Variants in CD81 observed in about 807,000 individuals in gnomAD.
The protein encoded by CD81 is CD81 molecule.
A neutral mutation model predicts 30.1 loss-of-function variants in CD81; 10 were observed. That is an observed-to-expected ratio of 0.33 (90% CI 0.21 to 0.56). The LOEUF (loss-of-function observed/expected upper bound fraction) is 0.56, where lower values mean the gene tolerates loss of function less well. CD81 is among the 20% of genes least tolerant of loss of function. The pLI is 0.89. For missense variants in CD81, 263 were observed against 308.7 expected (o/e 0.85, Z 1.11); for synonymous variants, 147 against 126.4 (o/e 1.16, Z -1.10).
At chr11:2,384,007 G>A (rs1490540551) in intron 1 of CD81, among the ~76,000 whole-genome samples, 4 of 152,176 alleles carry the variant, frequency 2.6e-5, no homozygotes, top group African/African-American at 4.8e-5. Context: ...AGGCCTGCCC[G>A]GGCAGCGCCT....
In CD81 at chr11:2,377,408, CGCGCCCCCGCGCCCCT is replaced by C. The variant is rs1163931297; in HGVS notation, c.-141_-126del. 1.9e-5 allele frequency: 3 copies of C among 157,032 alleles called. No individual in the cohort carries two copies. Among genetic ancestry groups the C allele is most frequent in the Non-Finnish European group, 4.0e-5 (3 of 75,360 alleles). 9.7% of individuals were successfully genotyped at this position (157,032 alleles called of 1,614,324 possible). A position where few individuals can be genotyped will look rare whatever the true frequency, so the allele number is the denominator to read the frequency against. On this transcript the variant is annotated 5_prime_UTR_variant, in exon 1 of 8. Coordinates refer to ENST00000263645, the MANE Select transcript of CD81 (RefSeq NM_004356.4). This position sits in a 1 kb window ranked among gnomAD's most constrained non-coding sequence, Gnocchi z 7.7. ...AGCGCCCCACGCGCCCCCGCGCCCC[CGCGCCCCCGCGCCCCT>C]TTCTTCGCGCCCCCGCCCCTCGGCC...
At chr11:2,385,177 T>G (rs1382200230) in intron 1 of CD81, among the ~76,000 whole-genome samples, 1 of 152,114 alleles carries the variant, frequency 6.6e-6, no homozygotes, top group Non-Finnish European at 1.5e-5. Flanking sequence ...CATCAGGGAC[T>G]TAGGATGTGG....
chr11:2,377,466 C>A lies in CD81; in HGVS notation c.-84C>A. 1 of 508,240 alleles carries A rather than the reference C, an allele frequency of 2.0e-6. No individual in the cohort carries two copies. Among genetic ancestry groups the A allele is most frequent in the South Asian group, 7.8e-5 (1 of 12,782 alleles). 31.5% of individuals were successfully genotyped at this position (508,240 alleles called of 1,614,324 possible). ...CCCTCGGCCCGCCAGGCCCCCTTGC[C>A]GGCCACCCGCCAGGCCCCGCGCCGG... On this transcript the variant is annotated 5_prime_UTR_variant, in exon 1 of 8. Transcript: ENST00000263645. The surrounding 1 kb of genome is among the most constrained non-coding windows in gnomAD (Gnocchi z 7.7).
chr11:2,384,495 GCTTGTGGGGTGGGGCAT>G (rs1185317495), intron 1 of CD81, among the ~76,000 whole-genome samples: 4 of 78,732 alleles, frequency 5.1e-5, no homozygotes, highest in African/African-American at 9.8e-5. Context: ...GGGTAGGGCG[GCTTGTGGGGTGGGGCAT>G]CTTGTGGGGT....
chr11:2,382,837 C>G (rs1304832023), intron 1 of CD81, among the ~76,000 whole-genome samples: 1 of 152,222 alleles, frequency 6.6e-6, no homozygotes, highest in African/African-American at 2.4e-5. Flanking sequence ...CCAGAACAGT[C>G]CTGATCCTGG....
At chr11:2,385,019 G>A in intron 1 of CD81, among the ~76,000 whole-genome samples, 1 of 152,110 alleles carries the variant, frequency 6.6e-6, no homozygotes, top group Non-Finnish European at 1.5e-5. Flanking sequence ...GATCCTAAAA[G>A]TGCACTTCTA....
rs755533264 is a variant in CD81 at position 2,377,650 on chromosome 11, G to C, written c.66+35G>C. On this transcript the variant is annotated intron_variant, in intron 1 of 7. Coordinates refer to ENST00000263645, the MANE Select transcript of CD81 (RefSeq NM_004356.4). This position sits in a 1 kb window ranked among gnomAD's most constrained non-coding sequence, Gnocchi z 7.7. The stretch of plus-strand genomic sequence containing the variant: ...GCGCCGGGGGCCGGGGCGGGAGGGG[G>C]CAGGCACACACTCCACGTTGGGCAG... The C allele has an allele frequency of 7.1e-7, 1 of 1,408,656 alleles. No individual in the cohort carries two copies. Among genetic ancestry groups the C allele is most frequent in the Non-Finnish European group, 9.7e-7 (1 of 1,030,640 alleles). The allele number at this position is 1,408,656 out of a possible 1,614,324, so 87.3% of individuals were successfully genotyped here.
In CD81 at chr11:2,377,689, G is replaced by C; in HGVS notation, c.66+74G>C. 1 of 1,019,218 alleles carries C rather than the reference G, an allele frequency of 9.8e-7. No homozygotes were observed. The highest frequency in any genetic ancestry group is 1.6e-5 in the South Asian group (1 of 62,838). The allele number at this position is 1,019,218 out of a possible 1,614,324, so 63.1% of individuals were successfully genotyped here. A position where few individuals can be genotyped will look rare whatever the true frequency, so the allele number is the denominator to read the frequency against. On this transcript the variant is annotated intron_variant, in intron 1 of 7. Transcript: ENST00000263645. The surrounding 1 kb of genome is among the most constrained non-coding windows in gnomAD (Gnocchi z 7.7). ...CACGTTGGGCAGGTCCCGCGGCAGC[G>C]TGCTAGGCCCCGCGGGCGCAGCGCG...
At position 2,396,957 on chromosome 11, in the gene CD81, C is replaced by G; in HGVS notation, c.*91C>G. On this transcript the variant is annotated 3_prime_UTR_variant, in exon 8 of 8. Transcript: ENST00000263645. ...GGGCCATCACCGCCTGTGTATATAA[C>G]GTTTCCGGTATTACTCTGCTACACG... 2 of 1,203,928 alleles carry G rather than the reference C, an allele frequency of 1.7e-6. No homozygotes were observed. Among genetic ancestry groups the G allele is most frequent in the Non-Finnish European group, 1.2e-6 (1 of 822,958 alleles). The allele number at this position is 1,203,928 out of a possible 1,614,324, so 74.6% of individuals were successfully genotyped here. A position where few individuals can be genotyped will look rare whatever the true frequency, so the allele number is the denominator to read the frequency against.
chr11:2,380,426 TGC>T (rs1197098107), intron 1 of CD81, among the ~76,000 whole-genome samples: 1 of 151,984 alleles, frequency 6.6e-6, no homozygotes, highest in Non-Finnish European at 1.5e-5. Context: ...CACACGAATG[TGC>T]ACACACACAC....
Position 2,377,666 on chromosome 11 carries a change from C to A in CD81, c.66+51C>A. The A allele has an allele frequency of 1.6e-6, 2 of 1,267,270 alleles. No homozygotes were observed. The highest frequency in any genetic ancestry group is 2.2e-6 in the Non-Finnish European group (2 of 918,984). The allele number at this position is 1,267,270 out of a possible 1,614,324, so 78.5% of individuals were successfully genotyped here. ...CGGGAGGGGGCAGGCACACACTCCACGTTGGGCAGGTCCCGCGGCAGCGTG... is the reference window on the plus strand; with the variant it reads ...CGGGAGGGGGCAGGCACACACTCCAAGTTGGGCAGGTCCCGCGGCAGCGTG... On this transcript the variant is annotated intron_variant, in intron 1 of 7. Coordinates refer to ENST00000263645, the MANE Select transcript of CD81 (RefSeq NM_004356.4). The surrounding 1 kb of genome is among the most constrained non-coding windows in gnomAD (Gnocchi z 7.7).
In CD81 at chr11:2,377,483, C is replaced by T; in HGVS notation, c.-67C>T. 1.4e-6 allele frequency: 1 copy of T among 701,296 alleles called. No individual in the cohort carries two copies. The highest frequency in any genetic ancestry group is 1.7e-6 in the Non-Finnish European group (1 of 572,164). 43.4% of individuals were successfully genotyped at this position (701,296 alleles called of 1,614,324 possible). A position where few individuals can be genotyped will look rare whatever the true frequency, so the allele number is the denominator to read the frequency against. ...CCCCTTGCCGGCCACCCGCCAGGCC[C>T]CGCGCCGGCCCGCCCGCCGCCCAGG... On this transcript the variant is annotated 5_prime_UTR_variant, in exon 1 of 8. Coordinates refer to ENST00000263645, the MANE Select transcript of CD81 (RefSeq NM_004356.4). This position sits in a 1 kb window ranked among gnomAD's most constrained non-coding sequence, Gnocchi z 7.7.
chr11:2,382,246 G>A (rs1849717304), intron 1 of CD81, among the ~76,000 whole-genome samples: 1 of 152,254 alleles, frequency 6.6e-6, no homozygotes, highest in African/African-American at 2.4e-5. Flanking sequence ...GGTCTTTGAG[G>A]GCTGCGGGCT....
intron 1 of CD81, among the ~76,000 whole-genome samples, chr11:2,388,666 G>A (rs148634206): frequency 6.6e-6 from 1 of 152,350 alleles, no homozygotes; most frequent in African/African-American, 2.4e-5. Context: ...CAAGCATTCC[G>A]ACTCAGCTCT....
At chr11:2,396,244 G>A (rs1228063703) in intron 6 of CD81, 9 of 574,288 alleles carry the variant, frequency 1.6e-5, no homozygotes, top group East Asian at 8.9e-5. Flanking sequence ...GTGTGCACTC[G>A]TGGGTGTGGA....
rs1296834966 is a variant in CD81 at position 2,378,508 on chromosome 11, T to C, written c.66+893T>C. On this transcript the variant is annotated intron_variant, in intron 1 of 7. Transcript: ENST00000263645. This position sits in a 1 kb window ranked among gnomAD's most constrained non-coding sequence, Gnocchi z 4.9. ...GCCAGCGTGGGTGGAGGAGGGTCTTTTGCTGAGAATGGCTTTCTCCTGACC... is the reference window on the plus strand; with the variant it reads ...GCCAGCGTGGGTGGAGGAGGGTCTTCTGCTGAGAATGGCTTTCTCCTGACC... Among the ~76,000 whole-genome samples the C allele has an allele frequency of 6.6e-6, 1 of 152,168 alleles. No individual in the cohort carries two copies. Among genetic ancestry groups the C allele is most frequent in the Non-Finnish European group, 1.5e-5 (1 of 68,014 alleles).
In CD81 at chr11:2,397,359, A is replaced by T; in HGVS notation, c.*493A>T. On this transcript the variant is annotated 3_prime_UTR_variant, in exon 8 of 8. Coordinates refer to ENST00000263645, the MANE Select transcript of CD81 (RefSeq NM_004356.4). ...CTTCAACTGTAATCACAACATCCTG[A>T]CTCCGTCATTTAATAAAGAAGGAAC... 5.1e-6 allele frequency: 1 copy of T among 196,480 alleles called. No homozygotes were observed. The highest frequency in any genetic ancestry group is 1.1e-5 in the Non-Finnish European group (1 of 94,202). 12.2% of individuals were successfully genotyped at this position (196,480 alleles called of 1,614,324 possible). A position where few individuals can be genotyped will look rare whatever the true frequency, so the allele number is the denominator to read the frequency against.
chr11:2,384,621 GC>G (rs1322343220), intron 1 of CD81: 2 of 176,116 alleles, frequency 1.1e-5, no homozygotes, highest in African/African-American at 2.4e-5. Context: ...ATCTCAGAGG[GC>G]GCCTCCGGAG....
At chr11:2,396,761 G>T (rs575061314) in intron 7 of CD81, 43 bp from the exon 8 acceptor site, 31 of 1,611,684 alleles carry the variant, frequency 1.9e-5, no homozygotes, top group Non-Finnish European at 2.6e-5. Context: ...TGCCCCTTCC[G>T]CGGGGCCTTG....
Sources: gnomAD v4.1 joint callset for allele counts (sites outside exome capture counted in the v4.1 genomes callset) on GRCh38, gnomAD v4.1.1 for gene constraint, Gnocchi (gnomAD v3.1) non-coding constraint, MANE v1.5 for transcripts, NCBI Gene and HGNC (gene_info 2026-07-23, HGNC 2026-07-21) for gene names.